The following SLC44A4 variants were observed in gnomAD, a reference collection of about 807,000 sequenced individuals.
The protein encoded by SLC44A4 is choline transporter-like protein 4.
A neutral mutation model predicts 97.0 loss-of-function variants in SLC44A4; 74 were observed. That is an observed-to-expected ratio of 0.76 (90% confidence interval 0.63 to 0.93). The LOEUF (loss-of-function observed/expected upper bound fraction) is 0.93, where lower values mean the gene tolerates loss of function less well. Among genes scored for constraint, SLC44A4 ranks in the 40% least tolerant of loss-of-function variants. The pLI is 0.00. For missense variants in SLC44A4, 799 were observed against 902.9 expected, an observed-to-expected ratio of 0.88 and a Z score of 1.48; for synonymous variants, 325 against 363.8, an observed-to-expected ratio of 0.89 and a Z score of 1.21.
At chr6:31,863,888 T>A in intron 20 of SLC44A4, 140 bp from the exon 21 acceptor site, 2 of 1,100,690 alleles carry the variant, frequency 1.8e-6, no homozygotes, top group Non-Finnish European at 2.6e-6. Context: ...CTCAGTTTCC[T>A]CCTGTGAAGT....
chr6:31,871,476 G>C lies in SLC44A4; in HGVS notation c.615C>G (p.Ile205Met), dbSNP rs746068830. Residue 205 changes from isoleucine (I) to methionine (M), a missense_variant and splice_region_variant, in exon 8 of 21, where the codon ATC (isoleucine) becomes ATG (methionine). Ile to Met is a conservative substitution (Grantham distance 10, BLOSUM62 1). Around this residue, in one of 3 missense-constraint regions of SLC44A4, gnomAD observed 409 missense variants for 434.1 expected, o/e 0.94. Transcript: ENST00000229729. ...ITNDTTIQQG[I>M]SGLIDSLNAR... ...ATGTGGGGGAGGGAGGTGCCTACCT[G>C]ATCCCCTGCTGTATGGTGGTGTCAT... The C allele has an allele frequency of 1.2e-6, 2 of 1,613,944 alleles. No homozygotes were observed. The highest frequency in any genetic ancestry group is 1.1e-5 in the South Asian group (1 of 91,068).
Position 31,874,817 on chromosome 6 carries a change from T to C in SLC44A4, c.372A>G (p.Pro124=). ...QVCVSSCPED[P]WTVGKNEFSQ... is the part of the protein sequence containing the mutation. ...AGAACTCGTTTTTTCCCACAGTCCA[T>C]GGGTCCTCCGGGCAGGAGGACACAC... The change falls in exon 6 of 21, where the codon CCA becomes CCG. Residue 124 remains proline, a synonymous_variant. Transcript: ENST00000229729. This position sits in a 1 kb window ranked among gnomAD's most constrained non-coding sequence, Gnocchi z 4.8. The C allele has an allele frequency of 1.2e-6, 2 of 1,613,782 alleles. No homozygotes were observed. Among genetic ancestry groups the C allele is most frequent in the South Asian group, 2.2e-5 (2 of 91,052 alleles).
In SLC44A4 at chr6:31,863,663, G is replaced by C; in HGVS notation, c.2097C>G (p.Asn699Lys). ...KSLLKILGKK[N>K]EAPPDNKKRK... is the part of the protein sequence containing the mutation. ...TCTTCTTGTTGTCCGGGGGCGCCTCGTTCTTCTTGCCCAGAATCTTTAGAA... is the reference window on the plus strand; with the variant it reads ...TCTTCTTGTTGTCCGGGGGCGCCTCCTTCTTCTTGCCCAGAATCTTTAGAA... Residue 699 changes from asparagine to lysine, a missense_variant, in exon 21 of 21, where the codon AAC becomes AAG. Coordinates refer to ENST00000229729, the MANE Select transcript of SLC44A4 (RefSeq NM_025257.3). The C allele has an allele frequency of 1.2e-6, 2 of 1,612,262 alleles. No homozygotes were observed. The highest frequency in any genetic ancestry group is 1.7e-6 in the Non-Finnish European group (2 of 1,179,766).
rs552086058 is a variant in SLC44A4 at position 31,874,641 on chromosome 6, G to C, written c.468+80C>G. On this transcript the variant is annotated intron_variant, in intron 6 of 20. Coordinates refer to ENST00000229729, the MANE Select transcript of SLC44A4 (RefSeq NM_025257.3). This position sits in a 1 kb window ranked among gnomAD's most constrained non-coding sequence, Gnocchi z 4.8. Reference sequence around the variant, plus strand: ...TCCCCAGGAGAGCCAACCTGGTGATGATCTACCCAACTCCCCCTCCCTCTC... The same window carrying C: ...TCCCCAGGAGAGCCAACCTGGTGATCATCTACCCAACTCCCCCTCCCTCTC... 3.1e-5 allele frequency: 48 copies of C among 1,562,896 alleles called. No individual in the cohort carries two copies. The African/African-American group carries it at 6.2e-4, about 20-fold the overall frequency.
At chr6:31,871,622 G>T (rs1387974081) in intron 7 of SLC44A4, 61 bp from the exon 8 acceptor site, 11 of 1,312,350 alleles carry the variant, frequency 8.4e-6, no homozygotes, top group Non-Finnish European at 1.2e-5. Flanking sequence ...AGGGTCTCTG[G>T]CCCCCTCCCA....
intron 4 of SLC44A4, among the ~76,000 whole-genome samples, chr6:31,875,307 T>G (rs1461435483): frequency 1.3e-5 from 2 of 152,232 alleles, no homozygotes; most frequent in Non-Finnish European, 2.9e-5. Context: ...GCAAGTCACC[T>G]GTTCTCGGTC....
At position 31,865,515 on chromosome 6, in the gene SLC44A4, G is replaced by A. The variant is rs770464000; in HGVS notation, c.1669C>T (p.Arg557Cys). Residue 557 changes from arginine (R) to cysteine (C), a missense_variant, in exon 16 of 21, where the codon CGC becomes TGC. Physicochemically the swap from Arg to Cys is radical, Grantham distance 180. Coordinates refer to ENST00000229729, the MANE Select transcript of SLC44A4 (RefSeq NM_025257.3). This position sits in a 1 kb window ranked among gnomAD's most constrained non-coding sequence, Gnocchi z 5.2. ...TAGCTCACCATGATGTATGCATTGC[G>A]GTTTAGGAACTTGATAAATTTTTCC... ...CLEKFIKFLN[R>C]NAYIMIAIYG... The A allele has an allele frequency of 8.7e-6, 14 of 1,604,054 alleles. No homozygotes were observed. Among genetic ancestry groups the A allele is most frequent in the Admixed American group, 5.0e-5 (3 of 59,530 alleles).
intron 13 of SLC44A4, among the ~76,000 whole-genome samples, chr6:31,867,807 T>C (rs945465701): frequency 6.6e-6 from 1 of 150,562 alleles, no homozygotes; most frequent in African/African-American, 2.4e-5. Context: ...GTGGGTCCTC[T>C]GTACATGTAA....
chr6:31,872,506 G>C (rs774425551), intron 7 of SLC44A4, among the ~76,000 whole-genome samples: 4 of 152,078 alleles, frequency 2.6e-5, no homozygotes, highest in Non-Finnish European at 4.4e-5. Context: ...AAAGTGTTGG[G>C]ATTACAGGTG....
chr6:31,863,286 C>T lies in SLC44A4; in HGVS notation c.*341G>A. On this transcript the variant is annotated 3_prime_UTR_variant, in exon 21 of 21. Transcript: ENST00000229729. Reference sequence around the variant, plus strand: ...TGTCACCCAGGTTGGAGTGCAGTGGCGCGATCTCGGCTCACTGCAACCTCT... The same window carrying T: ...TGTCACCCAGGTTGGAGTGCAGTGGTGCGATCTCGGCTCACTGCAACCTCT... The T allele has an allele frequency of 3.9e-6, 1 of 257,808 alleles. No homozygotes were observed. Among genetic ancestry groups the T allele is most frequent in the Non-Finnish European group, 7.4e-6 (1 of 135,244 alleles). 16.0% of individuals were successfully genotyped at this position (257,808 alleles called of 1,614,324 possible).
chr6:31,869,921 T>C (rs1411025963), intron 11 of SLC44A4, among the ~76,000 whole-genome samples: 6 of 150,240 alleles, frequency 4.0e-5, no homozygotes, highest in South Asian at 2.1e-4. Flanking sequence ...GGAGGCGGAG[T>C]TTGCAGTGAG....
At chr6:31,866,188 G>T in intron 13 of SLC44A4, 62 bp from the exon 14 acceptor site, 1 of 1,576,508 alleles carries the variant, frequency 6.3e-7, no homozygotes, top group Non-Finnish European at 8.6e-7. Flanking sequence ...TGGAGCCTGG[G>T]CGTCCCATTC....
chr6:31,866,407 C>T (rs1016088316), intron 13 of SLC44A4, among the ~76,000 whole-genome samples: 2 of 152,174 alleles, frequency 1.3e-5, no homozygotes, highest in Non-Finnish European at 2.9e-5. Flanking sequence ...GCAACGTCTA[C>T]CAAAACCCTT....
In SLC44A4 at chr6:31,864,881, G is replaced by A. The variant is rs752284502; in HGVS notation, c.1861C>T (p.Arg621Cys). 1.1e-5 allele frequency: 17 copies of A among 1,613,864 alleles called. No homozygotes were observed. Among genetic ancestry groups the A allele is most frequent in the South Asian group, 3.3e-5 (3 of 91,080 alleles). Residue 621 changes from arginine (R) to cysteine (C), a missense_variant, in exon 19 of 21, where the codon CGC (arginine) becomes TGC (cysteine). Physicochemically the swap from Arg to Cys is radical, Grantham distance 180. Coordinates refer to ENST00000229729, the MANE Select transcript of SLC44A4 (RefSeq NM_025257.3). ...GVLSFFFFSG[R>C]IPGLGKDFKS... ...AAGTCTTTACCCAGCCCCGGGATGC[G>A]ACCGGAGAAAAAAAAGAAGGACAGG...
intron 11 of SLC44A4, among the ~76,000 whole-genome samples, chr6:31,870,342 C>T (rs1763089779): frequency 6.6e-6 from 1 of 152,098 alleles, no homozygotes; most frequent in Admixed American, 6.6e-5. Flanking sequence ...CAGCCACCAC[C>T]ACTCCCACCA....
intron 4 of SLC44A4, among the ~76,000 whole-genome samples, chr6:31,875,503 A>G (rs1314688013): frequency 6.6e-6 from 1 of 152,178 alleles, no homozygotes; most frequent in Non-Finnish European, 1.5e-5. Context: ...TTGAATTTCA[A>G]ATAAGGAAAT....
At position 31,876,076 on chromosome 6, in the gene SLC44A4, T is replaced by C; in HGVS notation, c.143A>G (p.Tyr48Cys). 1.2e-6 allele frequency: 2 copies of C among 1,613,990 alleles called. No homozygotes were observed. The highest frequency in any genetic ancestry group is 1.7e-6 in the Non-Finnish European group (2 of 1,180,002). ...CTCACCCACAATCCCCACCACGATG[T>C]AACCTAGAATGAAGAGCAGGAAGAG... ...CVLFLLFILG[Y>C]IVVGIVAWLY... is the part of the protein sequence containing the mutation. The change falls in exon 3 of 21, where the codon TAC (tyrosine) becomes TGC (cysteine). Residue 48 changes from tyrosine (Y) to cysteine (C), a missense_variant. This residue lies in a region of SLC44A4 where 409 missense variants were observed against 434.1 expected (regional missense o/e 0.94). Coordinates refer to ENST00000229729, the MANE Select transcript of SLC44A4 (RefSeq NM_025257.3). The surrounding 1 kb of genome is among the most constrained non-coding windows in gnomAD (Gnocchi z 4.8).
chr6:31,869,657 T>C lies in SLC44A4; in HGVS notation c.1038-20A>G. The C allele has an allele frequency of 6.3e-7, 1 of 1,577,496 alleles. No individual in the cohort carries two copies. The highest frequency in any genetic ancestry group is 8.6e-7 in the Non-Finnish European group (1 of 1,159,364). On this transcript the variant is annotated intron_variant, in intron 11 of 20. Transcript: ENST00000229729. ...ACAGCCCTGCAGGGAGACAAAGCTG[T>C]TAACCGGCACCGCCCCAGCTGTCCA...
In SLC44A4 at chr6:31,864,869, G is replaced by A. The variant is rs1444248082; in HGVS notation, c.1873C>T (p.Leu625=). Residue 625 remains leucine (L), a synonymous_variant, in exon 19 of 21, where the codon CTG becomes TTG. Transcript: ENST00000229729. ...TGGGGGCTCTTAAAGTCTTTACCCA[G>A]CCCCGGGATGCGACCGGAGAAAAAA... ...FFFFSGRIPG[L]GKDFKSPHLN... is the part of the protein sequence containing the mutation. 6.2e-7 allele frequency: 1 copy of A among 1,613,914 alleles called. No individual in the cohort carries two copies. Among genetic ancestry groups the A allele is most frequent in the East Asian group, 2.2e-5 (1 of 44,878 alleles).
Sources: gnomAD v4.1 joint callset for allele counts (sites outside exome capture counted in the v4.1 genomes callset) on GRCh38, gnomAD v4.1.1 for gene constraint, gnomAD v4.1.1 regional missense constraint, Gnocchi (gnomAD v3.1) non-coding constraint, MANE v1.5 for transcripts, NCBI Gene and HGNC (gene_info 2026-07-23, HGNC 2026-07-21) for gene names.